Variants in C5 observed in about 807,000 individuals in gnomAD.
The protein encoded by C5 is C3 and PZP-like alpha-2-macroglobulin domain-containing protein 4.
In C5, 140 loss-of-function variants were observed where a neutral mutation model predicts 218.8. The observed-to-expected ratio is 0.64, with a 90% CI of 0.56 to 0.74. The LOEUF is 0.74. Among genes scored for constraint, C5 ranks in the 30% least tolerant of loss-of-function variants. C5 has a pLI of 0.00. For synonymous variants in C5, 614 were observed against 682.3 expected, an observed-to-expected ratio of 0.90 and a Z score of 1.56; for missense variants, 1,700 against 1,969.6, an observed-to-expected ratio of 0.86 and a Z score of 2.59.
chr9:121,042,290 A>T (rs1375600196), intron 3 of C5, among the ~76,000 whole-genome samples: 3 of 152,244 alleles, frequency 2.0e-5, no homozygotes, highest in Admixed American at 1.3e-4. Context: ...AGGTCCAGTC[A>T]TTCCTATTCA....
chr9:121,010,627 A>G (rs917622221), intron 17 of C5, among the ~76,000 whole-genome samples: 15 of 152,036 alleles, frequency 9.9e-5, no homozygotes, highest in African/African-American at 3.4e-4. Flanking sequence ...GCAGAAATAG[A>G]AAAAAAATCC....
the C5 span, among the ~76,000 whole-genome samples, chr9:121,057,546 G>A: frequency 6.6e-6 from 1 of 152,056 alleles, no homozygotes; most frequent in Non-Finnish European, 1.5e-5. Context: ...TAATAGTTAA[G>A]TTGTTATAAG....
At chr9:121,074,847 T>C in the C5 span, 1 of 456,196 alleles carries the variant, frequency 2.2e-6, no homozygotes, top group Non-Finnish European at 4.4e-6. Context: ...CCTAGCGCGC[T>C]GGCTGCAAAA....
rs2047375488 is a variant in C5, at chr9:121,022,585, A to C, written c.1116+819T>G. On this transcript the variant is annotated intron_variant, in intron 10 of 40. Coordinates refer to ENST00000223642, the MANE Select transcript of C5 (RefSeq NM_001735.3). ...CATGACCCACAGTAAATAATAAATA[A>C]CACATTTTGATTGTACTTAAGTTGA... 1.3e-5 allele frequency among the ~76,000 whole-genome samples: 2 copies of C among 149,928 alleles called. 1 individual carries two copies. Among genetic ancestry groups the C allele is most frequent in the South Asian group, 4.2e-4 (2 of 4,816 alleles).
the C5 span, chr9:121,074,743 C>CG: frequency 2.2e-6 from 1 of 452,022 alleles, no homozygotes; most frequent in Non-Finnish European, 4.4e-6. Flanking sequence ...ACTCTGCACC[C>CG]GACACTTCAC....
At chr9:121,007,683 A>G (rs921127655) in intron 18 of C5, among the ~76,000 whole-genome samples, 2 of 152,230 alleles carry the variant, frequency 1.3e-5, no homozygotes, top group African/African-American at 4.8e-5. Context: ...AGGAAAGTAA[A>G]CAAGTCATTA....
intron 3 of C5, among the ~76,000 whole-genome samples, chr9:121,038,563 T>C (rs1208823653): frequency 1.3e-5 from 2 of 152,168 alleles, no homozygotes; most frequent in Admixed American, 6.5e-5. Context: ...TTCTCTTCCA[T>C]TTCTTTCTGT....
chr9:120,997,403 A>C lies in C5; in HGVS notation c.2790+144T>G, dbSNP rs929409392. 6 of 653,074 alleles carry C rather than the reference A, an allele frequency of 9.2e-6. No individual in the cohort carries two copies. The Admixed American group carries it at 1.1e-4, about 12-fold the overall frequency. The allele number at this position is 653,074 out of a possible 1,614,324, so 40.5% of individuals were successfully genotyped here. A position where few individuals can be genotyped will look rare whatever the true frequency, so the allele number is the denominator to read the frequency against. On this transcript the variant is annotated intron_variant, in intron 21 of 40. Transcript: ENST00000223642. ...TACAGAAAAATTGCAAGAATAGTAC[A>C]AAAAAAATCTGGAATAACCTCCATC...
chr9:121,065,836 AAAG>A, the C5 span, among the ~76,000 whole-genome samples: 5 of 152,190 alleles, frequency 3.3e-5, no homozygotes, highest in African/African-American at 1.2e-4. Flanking sequence ...ATAAAAGGGT[AAAG>A]AAGAAGGATA....
intron 5 of C5, among the ~76,000 whole-genome samples, chr9:121,034,488 C>T (rs2047505953): frequency 6.6e-6 from 1 of 152,130 alleles, no homozygotes; most frequent in African/African-American, 2.4e-5. Context: ...AGGAACAAGA[C>T]CACACCAGCC....
upstream of C5, among the ~76,000 whole-genome samples, chr9:121,054,073 C>T (rs1427915353): frequency 6.6e-6 from 1 of 152,116 alleles, no homozygotes; most frequent in Non-Finnish European, 1.5e-5. Flanking sequence ...CCAGAAACAT[C>T]TTAAAAATTG....
chr9:121,028,676 A>G (rs942483436), intron 7 of C5, among the ~76,000 whole-genome samples: 1 of 151,928 alleles, frequency 6.6e-6, no homozygotes, highest in Non-Finnish European at 1.5e-5. Context: ...GGGGAACATC[A>G]CACTCTGGGG....
At chr9:121,015,329 A>G in intron 15 of C5, 68 bp from the exon 16 acceptor site, 1 of 1,052,410 alleles carries the variant, frequency 9.5e-7, no homozygotes, top group Non-Finnish European at 1.4e-6. Flanking sequence ...AAAAAATTCC[A>G]TGAAACTATT....
At chr9:120,967,259 CA>C (rs755173508) in intron 33 of C5, among the ~76,000 whole-genome samples, 10,774 of 73,954 alleles carry the variant, frequency 0.15, 834 homozygotes, top group East Asian at 0.31. Context: ...AACTCCATCT[CA>C]AAAAAAAAAA....
At chr9:120,957,452 A>G (rs944993508) in intron 38 of C5, 84 bp from the exon 39 acceptor site, 5 of 1,029,020 alleles carry the variant, frequency 4.9e-6, no homozygotes, top group African/African-American at 1.6e-5. Context: ...TTTGTCAAAC[A>G]CGAGAAATGA....
chr9:120,990,023 C>T (rs1014939748), intron 23 of C5, among the ~76,000 whole-genome samples: 3 of 151,930 alleles, frequency 2.0e-5, no homozygotes, highest in African/African-American at 7.3e-5. Flanking sequence ...ATACAGTGGA[C>T]TGATTGCTGC....
chr9:121,051,974 G>T (rs1278440072), upstream of C5, among the ~76,000 whole-genome samples: 3 of 152,206 alleles, frequency 2.0e-5, no homozygotes, highest in African/African-American at 7.2e-5. Context: ...AAATAAGTTT[G>T]TTTGCTTGAG....
intron 40 of C5, among the ~76,000 whole-genome samples, chr9:120,953,271 G>C (rs959057395): frequency 2.0e-5 from 3 of 152,194 alleles, no homozygotes; most frequent in Non-Finnish European, 4.4e-5. Flanking sequence ...CCAGGGGTCA[G>C]GCTGTCCGCC....
chr9:121,013,396 G>C (rs1483650074), intron 17 of C5, among the ~76,000 whole-genome samples: 1 of 151,764 alleles, frequency 6.6e-6, no homozygotes, highest in Non-Finnish European at 1.5e-5. Context: ...ATAAATTCTG[G>C]AAACATGTAT....
Sources: gnomAD v4.1 joint callset for allele counts (sites outside exome capture counted in the v4.1 genomes callset) on GRCh38, gnomAD v4.1.1 for gene constraint, MANE v1.5 for transcripts, NCBI Gene and HGNC (gene_info 2026-07-23, HGNC 2026-07-21) for gene names.